AKT2: variants seen among roughly 807,000 people sequenced by gnomAD.
AKT2 encodes the protein RAC-beta serine/threonine-protein kinase.
Under a neutral mutation model 58.6 loss-of-function variants are expected in AKT2, and 16 were observed. That is an observed-to-expected ratio of 0.27 (90% confidence interval 0.18 to 0.41). The LOEUF (loss-of-function observed/expected upper bound fraction) is 0.41, where lower values mean the gene tolerates loss of function less well. Ranked by LOEUF, AKT2 falls within the 10% of genes least tolerant of loss-of-function variation. The pLI is 1.00. For synonymous variants in AKT2, 253 were observed against 254.0 expected (o/e 1.00, Z 0.04); for missense variants, 438 against 661.0 (o/e 0.66, Z 3.70).
chr19:40,246,513 G>GA (rs553242636), intron 4 of AKT2, among the ~76,000 whole-genome samples: 60 of 148,696 alleles, frequency 4.0e-4, no homozygotes, highest in African/African-American at 1.1e-3. Context: ...GGCGGATTGG[G>GA]AAAAAAAAAA....
intron 1 of AKT2, among the ~76,000 whole-genome samples, chr19:40,277,883 C>T (rs1201946902): frequency 6.6e-6 from 1 of 152,208 alleles, no homozygotes; most frequent in East Asian, 1.9e-4. Context: ...ACAGATGGAA[C>T]ACACAAATGA....
chr19:40,249,171 G>A (rs1974963285), intron 4 of AKT2, among the ~76,000 whole-genome samples: 1 of 152,262 alleles, frequency 6.6e-6, no homozygotes, highest in South Asian at 2.1e-4. Context: ...ACAGGAAGTC[G>A]CTGAAGGGTT....
In AKT2 at chr19:40,235,281, C is replaced by T. The variant is rs778078504; in HGVS notation, c.1245G>A (p.Gln415=). Residue 415 remains glutamine, a synonymous_variant, in exon 12 of 14, where the codon CAG becomes CAA. Coordinates refer to ENST00000392038, the MANE Select transcript of AKT2 (RefSeq NM_001626.6). This position sits in a 1 kb window ranked among gnomAD's most constrained non-coding sequence, Gnocchi z 6.3. ...EHRFFLSINW[Q]DVVQKKLLPP... is the part of the protein sequence containing the mutation. Reference sequence around the variant, plus strand: ...GGCTCACCTTCTTCTGGACCACGTCCTGCCAGTTGATGCTGAGGAAGAACC... The same window carrying T: ...GGCTCACCTTCTTCTGGACCACGTCTTGCCAGTTGATGCTGAGGAAGAACC... 4 of 1,613,936 alleles carry T rather than the reference C, an allele frequency of 2.5e-6. No individual in the cohort carries two copies. In the East Asian group the frequency reaches 8.9e-5, roughly 36 times the overall value.
chr19:40,283,413 A>AT (rs1211357683), intron 1 of AKT2, among the ~76,000 whole-genome samples: 18 of 152,210 alleles, frequency 1.2e-4, no homozygotes, highest in Admixed American at 9.8e-4. Flanking sequence ...GTGGAGAAAG[A>AT]TTCTACAGAG....
chr19:40,246,482 T>C (rs551162551), intron 4 of AKT2, among the ~76,000 whole-genome samples: 3 of 152,126 alleles, frequency 2.0e-5, no homozygotes, highest in Non-Finnish European at 4.4e-5. Context: ...ATTTTTTTAA[T>C]GCTGACTCTG....
Position 40,235,585 on chromosome 19 carries a change from A to C in AKT2, c.1176-235T>G, listed in dbSNP as rs1180132374. On this transcript the variant is annotated intron_variant, in intron 11 of 13. Coordinates refer to ENST00000392038, the MANE Select transcript of AKT2 (RefSeq NM_001626.6). The surrounding 1 kb of genome is among the most constrained non-coding windows in gnomAD (Gnocchi z 6.3). ...CTGCCTGGCCTTACCCTGAGTCCAGAAAGGGAGTTAGTAGGGCAGGCTCCG... is the reference window on the plus strand; with the variant it reads ...CTGCCTGGCCTTACCCTGAGTCCAGCAAGGGAGTTAGTAGGGCAGGCTCCG... 6 of 622,934 alleles carry C rather than the reference A, an allele frequency of 9.6e-6. No homozygotes were observed. In the East Asian group the frequency reaches 1.1e-4, roughly 11 times the overall value. The allele number at this position is 622,934 out of a possible 1,614,324, so 38.6% of individuals were successfully genotyped here.
chr19:40,253,158 C>T (rs1975288515), intron 4 of AKT2, among the ~76,000 whole-genome samples: 1 of 152,096 alleles, frequency 6.6e-6, no homozygotes, highest in African/African-American at 2.4e-5. Context: ...TCAATCGGCA[C>T]AAGCAGTCAG....
rs1169660706 is a variant in AKT2, at chr19:40,231,458, AAAC to A, written c.*2411_*2413del. On this transcript the variant is annotated 3_prime_UTR_variant, in exon 14 of 14. Coordinates refer to ENST00000392038, the MANE Select transcript of AKT2 (RefSeq NM_001626.6). ...AAAGACAAACTAAAAAACCCCAACC[AAAC>A]GAGTCCTAGCTGTAGCTAACTCTGA... 1 of 233,220 alleles carries A rather than the reference AAAC, an allele frequency of 4.3e-6. No homozygotes were observed. The highest frequency in any genetic ancestry group is 2.2e-5 in the African/African-American group (1 of 45,360). The allele number at this position is 233,220 out of a possible 1,614,324, so 14.4% of individuals were successfully genotyped here.
chr19:40,252,400 A>C (rs564662705), intron 4 of AKT2, among the ~76,000 whole-genome samples: 1 of 152,328 alleles, frequency 6.6e-6, no homozygotes, highest in Admixed American at 6.5e-5. Flanking sequence ...ATCTTGGTAA[A>C]GGAAAGGGCA....
At position 40,239,674 on chromosome 19, in the gene AKT2, C is replaced by T. The variant is rs142934627; in HGVS notation, c.639+371G>A. The T allele has an allele frequency of 1.2e-3, 472 of 395,272 alleles. 1 individual carries two copies. The highest frequency in any genetic ancestry group is 8.9e-3 in the African/African-American group (430 of 48,210). The allele number at this position is 395,272 out of a possible 1,614,324, so 24.5% of individuals were successfully genotyped here. A position where few individuals can be genotyped will look rare whatever the true frequency, so the allele number is the denominator to read the frequency against. ...GTCCAGGCTGACAGACAACACAATGCTAACACATCTGCTTCTATGAGCATA... is the reference window on the plus strand; with the variant it reads ...GTCCAGGCTGACAGACAACACAATGTTAACACATCTGCTTCTATGAGCATA... On this transcript the variant is annotated intron_variant, in intron 7 of 13. Transcript: ENST00000392038.
At chr19:40,283,716 A>G (rs1337615170) in intron 1 of AKT2, among the ~76,000 whole-genome samples, 4 of 152,108 alleles carry the variant, frequency 2.6e-5, no homozygotes, top group Non-Finnish European at 2.9e-5. Flanking sequence ...ACAGACCACA[A>G]TAAGACACCA....
At position 40,230,716 on chromosome 19, in the gene AKT2, GT is replaced by G. The variant is rs374077112; in HGVS notation, c.*3155del. On this transcript the variant is annotated 3_prime_UTR_variant, in exon 14 of 14. Coordinates refer to ENST00000392038, the MANE Select transcript of AKT2 (RefSeq NM_001626.6). ...TGTCTTTTTTAATAGCATGTATCAT[GT>G]TTTTTTTTTTTTTATTTTTAGAGAC... 4,875 of 181,248 alleles carry G rather than the reference GT, an allele frequency of 0.027. 1 individual carries two copies. The highest frequency in any genetic ancestry group is 0.078 in the East Asian group (834 of 10,752). 11.2% of individuals were successfully genotyped at this position (181,248 alleles called of 1,614,324 possible).
At chr19:40,278,026 G>C (rs1169016300) in intron 1 of AKT2, among the ~76,000 whole-genome samples, 1 of 152,146 alleles carries the variant, frequency 6.6e-6, no homozygotes, top group Admixed American at 6.5e-5. Context: ...CATGGTATTG[G>C]GGGTGGAGAG....
Position 40,242,569 on chromosome 19 carries a change from TCTC to T in AKT2, c.403_405del (p.Glu135del). On this transcript the variant is annotated inframe_deletion, in exon 5 of 14. Coordinates refer to ENST00000392038, the MANE Select transcript of AKT2 (RefSeq NM_001626.6). This position sits in a 1 kb window ranked among gnomAD's most constrained non-coding sequence, Gnocchi z 4.3. Reference sequence around the variant, plus strand: ...CGTGCCTTGCTGACCGCCACTTCCATCTCCTCAGTCGTGGAGGAGTCACTGGGG... The same window carrying T: ...CGTGCCTTGCTGACCGCCACTTCCATCTCAGTCGTGGAGGAGTCACTGGGG... The T allele has an allele frequency of 6.2e-7, 1 of 1,613,844 alleles. No individual in the cohort carries two copies. Among genetic ancestry groups the T allele is most frequent in the Non-Finnish European group, 8.5e-7 (1 of 1,180,010 alleles).
chr19:40,247,974 G>A (rs372821334), intron 4 of AKT2, among the ~76,000 whole-genome samples: 29 of 152,164 alleles, frequency 1.9e-4, no homozygotes, highest in East Asian at 3.8e-4. Context: ...AGCCACGTTC[G>A]CCATACCAAC....
chr19:40,279,144 G>C (rs979692901), intron 1 of AKT2: 7 of 152,282 alleles, frequency 4.6e-5, no homozygotes, highest in African/African-American at 9.6e-5. Context: ...TTCTCCAGCA[G>C]GACGGCTGGG....
In AKT2 at chr19:40,285,285, CCGGCAGCGGCAGCGG is replaced by C. The variant is rs1177909068; in HGVS notation, c.-204_-190del. 1 of 395,012 alleles carries C rather than the reference CCGGCAGCGGCAGCGG, an allele frequency of 2.5e-6. No homozygotes were observed. Among genetic ancestry groups the C allele is most frequent in the African/African-American group, 2.1e-5 (1 of 48,268 alleles). 24.5% of individuals were successfully genotyped at this position (395,012 alleles called of 1,614,324 possible). A position where few individuals can be genotyped will look rare whatever the true frequency, so the allele number is the denominator to read the frequency against. ...GTGTTTCCCGGCAGCGGCAACGGCG[CCGGCAGCGGCAGCGG>C]CGGCGGCGACGCCTCCTCCGAGGCA... On this transcript the variant is annotated 5_prime_UTR_variant, in exon 1 of 14. Transcript: ENST00000392038.
At chr19:40,263,490 A>G (rs1192929910) in intron 2 of AKT2, among the ~76,000 whole-genome samples, 2 of 152,242 alleles carry the variant, frequency 1.3e-5, no homozygotes, top group African/African-American at 2.4e-5. Flanking sequence ...GTGAGGTGAC[A>G]TGGCTTGCTC....
At chr19:40,276,077 T>G (rs527769563) in intron 1 of AKT2, among the ~76,000 whole-genome samples, 165 of 151,290 alleles carry the variant, frequency 1.1e-3, no homozygotes, top group Non-Finnish European at 1.9e-3. Context: ...TCTATAGAAT[T>G]CCTGCTAATT....
Sources: allele counts gnomAD v4.1 joint callset (sites outside exome capture counted in the v4.1 genomes callset), GRCh38; gene constraint gnomAD v4.1.1; non-coding constraint Gnocchi (gnomAD v3.1); transcripts MANE v1.5; gene names NCBI Gene and HGNC (gene_info 2026-07-23, HGNC 2026-07-21).